The following LARP4B variants were observed in gnomAD, a reference collection of about 807,000 sequenced individuals.
LARP4B encodes the protein la-related protein 4B.
A neutral mutation model predicts 89.8 loss-of-function variants in LARP4B; 12 were observed. That is an observed-to-expected ratio of 0.13 (90% CI 0.09 to 0.22). The LOEUF (loss-of-function observed/expected upper bound fraction) is 0.22, where lower values mean the gene tolerates loss of function less well. Ranked by LOEUF, LARP4B falls within the 10% of genes least tolerant of loss-of-function variation. The probability of loss-of-function intolerance (pLI) is 1.00; values close to 1 mark genes in which losing one functional copy is unlikely to be tolerated. For missense variants in LARP4B, 757 were observed against 947.7 expected (o/e 0.80, Z 2.64); for synonymous variants, 367 against 363.3 (o/e 1.01, Z -0.12).
the LARP4B span, among the ~76,000 whole-genome samples, chr10:973,817 T>A: frequency 6.6e-6 from 1 of 152,182 alleles, no homozygotes; most frequent in Non-Finnish European, 1.5e-5. Flanking sequence ...TAACATGTTA[T>A]CTTCCACCAT....
chr10:821,462 T>C (rs1028967447), intron 13 of LARP4B, among the ~76,000 whole-genome samples: 3 of 152,146 alleles, frequency 2.0e-5, no homozygotes, highest in Non-Finnish European at 2.9e-5. Context: ...ACACACGCAG[T>C]TGATAACCAC....
intron 1 of LARP4B, among the ~76,000 whole-genome samples, chr10:894,318 T>C (rs966507673): frequency 2.0e-5 from 3 of 152,172 alleles, no homozygotes; most frequent in Non-Finnish European, 2.9e-5. Flanking sequence ...TCTAGGGAAA[T>C]ACATGTTAAA....
At chr10:980,778 C>G in the LARP4B span, among the ~76,000 whole-genome samples, 1 of 152,322 alleles carries the variant, frequency 6.6e-6, no homozygotes, top group Non-Finnish European at 1.5e-5. Flanking sequence ...TGCCTTCAAG[C>G]CTTTTTCCCC....
chr10:958,135 A>G, the LARP4B span, among the ~76,000 whole-genome samples: 3 of 152,072 alleles, frequency 2.0e-5, no homozygotes, highest in African/African-American at 7.2e-5. Flanking sequence ...GTATGTTCCT[A>G]AAGTGCCCAC....
chr10:964,450 C>G, the LARP4B span, among the ~76,000 whole-genome samples: 2 of 151,680 alleles, frequency 1.3e-5, no homozygotes, highest in Admixed American at 1.3e-4. Context: ...GGCTAGGGCA[C>G]AGTCCCCAGA....
chr10:813,615 C>A (rs1588838442), intron 17 of LARP4B, among the ~76,000 whole-genome samples: 4 of 152,168 alleles, frequency 2.6e-5, no homozygotes, highest in Admixed American at 2.6e-4. Context: ...GTACTCAACC[C>A]TGAAAGGCAA....
chr10:857,012 G>A (rs980339485), intron 5 of LARP4B, among the ~76,000 whole-genome samples: 2 of 152,122 alleles, frequency 1.3e-5, no homozygotes, highest in South Asian at 2.1e-4. Flanking sequence ...AGACTCCCAG[G>A]CCTCTTATGG....
At chr10:932,270 A>G (rs1309882529), upstream of LARP4B, among the ~76,000 whole-genome samples, 4 of 81,392 alleles carry the variant, frequency 4.9e-5, no homozygotes, top group African/African-American at 2.0e-4. Context: ...CTCCCACCCC[A>G]CAGCTGGGAT....
At chr10:911,723 G>A (rs1372031725) in intron 1 of LARP4B, among the ~76,000 whole-genome samples, 1 of 152,186 alleles carries the variant, frequency 6.6e-6, no homozygotes, top group African/African-American at 2.4e-5. Flanking sequence ...AGTCTGAAGA[G>A]TTGTGAGTAG....
chr10:893,531 T>C (rs539808671), intron 1 of LARP4B, among the ~76,000 whole-genome samples: 1 of 152,334 alleles, frequency 6.6e-6, no homozygotes, highest in East Asian at 1.9e-4. Flanking sequence ...TGATATCCTT[T>C]TCCTATTCTG....
At chr10:916,652 G>A (rs1392480401) in intron 1 of LARP4B, among the ~76,000 whole-genome samples, 2 of 152,138 alleles carry the variant, frequency 1.3e-5, no homozygotes, top group Non-Finnish European at 2.9e-5. Context: ...CCGAGATCAC[G>A]CCATTGCACT....
chr10:986,605 A>AT, the LARP4B span: 1 of 152,248 alleles, frequency 6.6e-6, no homozygotes. Context: ...CTCTGGGCCC[A>AT]TGATGAGTCA....
chr10:825,287 G>A lies in LARP4B; in HGVS notation c.1262C>T (p.Ala421Val), dbSNP rs138081905. Residue 421 changes from alanine to valine, a missense_variant, in exon 13 of 18, where the codon GCG becomes GTG. Physicochemically the swap from Ala to Val is moderately conservative, Grantham distance 64. Around this residue, in one of 5 missense-constraint regions of LARP4B, gnomAD observed 387 missense variants for 423.6 expected, o/e 0.91. Coordinates refer to ENST00000316157, the MANE Select transcript of LARP4B (RefSeq NM_015155.3). ...RNPSKSHLRH[A>V]IPSAERGPGL... ...AGGTCCCCTCTCTGCACTAGGAATC[G>A]CATGCCGCAGATGAGATTTACTAGG... 2.9e-5 allele frequency: 46 copies of A among 1,613,972 alleles called. No individual in the cohort carries two copies. Among genetic ancestry groups the A allele is most frequent in the African/African-American group, 1.3e-4 (10 of 74,910 alleles).
At chr10:817,960 T>A in intron 14 of LARP4B, 71 bp from the exon 15 acceptor site, 2 of 1,427,684 alleles carry the variant, frequency 1.4e-6, no homozygotes, top group South Asian at 2.5e-5. Context: ...TTTCCACACC[T>A]GTCTGGAAAA....
Position 815,011 on chromosome 10 carries a change from C to A in LARP4B, c.1755G>T (p.Ser585=), listed in dbSNP as rs140726859. Residue 585 remains serine, a synonymous_variant, in exon 16 of 18, where the codon TCG becomes TCT. Transcript: ENST00000316157. The part of the protein sequence containing the change: ...TLPVVVSREP[S]VPASCAVSAT... ...CTGATACAGCACAAGAAGCCGGCAC[C>A]GAGGGCTCTCTGGAGACCACTACAG... 1 of 1,609,172 alleles carries A rather than the reference C, an allele frequency of 6.2e-7. No individual in the cohort carries two copies. Among genetic ancestry groups the A allele is most frequent in the East Asian group, 2.2e-5 (1 of 44,764 alleles).
chr10:945,454 A>G, the LARP4B span, among the ~76,000 whole-genome samples: 1 of 151,722 alleles, frequency 6.6e-6, no homozygotes, highest in East Asian at 1.9e-4. Flanking sequence ...TGGGAGGCCA[A>G]GGCGGGTGGA....
In LARP4B at chr10:822,746, A is replaced by C. The variant is rs1832422658; in HGVS notation, c.1485-1901T>G. 6.6e-6 allele frequency among the ~76,000 whole-genome samples: 1 copy of C among 152,326 alleles called. No individual in the cohort carries two copies. Among genetic ancestry groups the C allele is most frequent in the East Asian group, 1.9e-4 (1 of 5,172 alleles). On this transcript the variant is annotated intron_variant, in intron 13 of 17. Coordinates refer to ENST00000316157, the MANE Select transcript of LARP4B (RefSeq NM_015155.3). This position sits in a 1 kb window ranked among gnomAD's most constrained non-coding sequence, Gnocchi z 4.6. ...CGCGACTCTGAATGCAGTGGTGTGA[A>C]GGCCTGAGACCCTGAAGAGGTGTGC...
chr10:895,925 A>G (rs1836177605), intron 1 of LARP4B, among the ~76,000 whole-genome samples: 1 of 152,226 alleles, frequency 6.6e-6, no homozygotes, highest in Non-Finnish European at 1.5e-5. Flanking sequence ...TTTAAATAAC[A>G]TATTATTTTT....
chr10:987,386 G>A, the LARP4B span: 2 of 152,226 alleles, frequency 1.3e-5, no homozygotes, highest in Non-Finnish European at 2.9e-5. Context: ...AAAAGGATTG[G>A]AGAGTGGGGG....
Sources: allele counts gnomAD v4.1 joint callset (sites outside exome capture counted in the v4.1 genomes callset), GRCh38; gene constraint gnomAD v4.1.1; regional missense constraint gnomAD v4.1.1; non-coding constraint Gnocchi (gnomAD v3.1); transcripts MANE v1.5; gene names NCBI Gene and HGNC (gene_info 2026-07-23, HGNC 2026-07-21).